The following SAMTOR variants were observed in gnomAD, a reference collection of about 807,000 sequenced individuals.
SAMTOR encodes S-adenosylmethionine sensor upstream of mTORC1.
chr7:112,887,388 A>G, the SAMTOR span, among the ~76,000 whole-genome samples: 1 of 152,006 alleles, frequency 6.6e-6, no homozygotes, highest in Non-Finnish European at 1.5e-5. Context: ...CAGGAACAAG[A>G]AAATGTTAAT....
the SAMTOR span, among the ~76,000 whole-genome samples, chr7:112,892,539 C>T: frequency 1.7e-4 from 26 of 152,160 alleles, no homozygotes; most frequent in South Asian, 1.2e-3. Flanking sequence ...GAGGCTGAGA[C>T]GGGAGGATTG....
chr7:112,935,658 G>C, the SAMTOR span, among the ~76,000 whole-genome samples: 1 of 152,056 alleles, frequency 6.6e-6, no homozygotes, highest in African/African-American at 2.4e-5. Context: ...TTGGTATGCA[G>C]AACAAGTAAA....
chr7:112,825,496 C>T, the SAMTOR span, among the ~76,000 whole-genome samples: 21 of 152,152 alleles, frequency 1.4e-4, no homozygotes, highest in African/African-American at 5.1e-4. Context: ...TGATTGGTTG[C>T]TGCTAGTATA....
the SAMTOR span, among the ~76,000 whole-genome samples, chr7:112,890,997 T>C: frequency 6.6e-6 from 1 of 152,162 alleles, no homozygotes; most frequent in African/African-American, 2.4e-5. Context: ...GCCATAAAAA[T>C]ATTTAACAAA....
chr7:112,912,096 A>C, the SAMTOR span, among the ~76,000 whole-genome samples: 1 of 151,898 alleles, frequency 6.6e-6, no homozygotes, highest in Non-Finnish European at 1.5e-5. Context: ...TTATGAACTA[A>C]GTATTTTAGA....
chr7:112,931,466 A>G, the SAMTOR span, among the ~76,000 whole-genome samples: 1 of 152,204 alleles, frequency 6.6e-6, no homozygotes, highest in South Asian at 2.1e-4. Flanking sequence ...AACACATCCT[A>G]TAAGGCAGAT....
chr7:112,865,911 T>C, the SAMTOR span, among the ~76,000 whole-genome samples: 2 of 150,708 alleles, frequency 1.3e-5, no homozygotes, highest in African/African-American at 4.9e-5. Flanking sequence ...TGAGCTATGA[T>C]TGCACCACTT....
the SAMTOR span, among the ~76,000 whole-genome samples, chr7:112,838,556 C>T: frequency 6.6e-6 from 1 of 151,786 alleles, no homozygotes; most frequent in Non-Finnish European, 1.5e-5. Flanking sequence ...GATGGGATGT[C>T]TGAGTATACC....
chr7:112,901,030 T>C, the SAMTOR span, among the ~76,000 whole-genome samples: 1 of 152,130 alleles, frequency 6.6e-6, no homozygotes, highest in African/African-American at 2.4e-5. Flanking sequence ...AAAGAAAAAA[T>C]TGATAAGCTG....
At chr7:112,856,200 A>G in the SAMTOR span, among the ~76,000 whole-genome samples, 3 of 152,022 alleles carry the variant, frequency 2.0e-5, no homozygotes, top group East Asian at 5.8e-4. Flanking sequence ...TTAATACCCG[A>G]ATTATAGACT....
chr7:112,868,285 C>T, the SAMTOR span, among the ~76,000 whole-genome samples: 4 of 152,054 alleles, frequency 2.6e-5, no homozygotes, highest in Admixed American at 1.3e-4. Context: ...AAAAATAGTG[C>T]GTAAAGATCA....
the SAMTOR span, among the ~76,000 whole-genome samples, chr7:112,903,156 T>C: frequency 1.4e-4 from 22 of 151,922 alleles, no homozygotes; most frequent in African/African-American, 5.1e-4. Flanking sequence ...TCTTCTAAAA[T>C]ATAAAAATTA....
chr7:112,839,263 A>G, the SAMTOR span, among the ~76,000 whole-genome samples: 1 of 151,906 alleles, frequency 6.6e-6, no homozygotes, highest in Non-Finnish European at 1.5e-5. Flanking sequence ...CTGAGACTAC[A>G]GGTACTTAAA....
At chr7:112,869,879 T>C in the SAMTOR span, among the ~76,000 whole-genome samples, 1,977 of 152,166 alleles carry the variant, frequency 0.013, 27 homozygotes, top group Non-Finnish European at 0.02. Flanking sequence ...AACCAGAACA[T>C]CTGGAATTAA....
the SAMTOR span, among the ~76,000 whole-genome samples, chr7:112,912,711 C>T: frequency 2.0e-5 from 3 of 151,800 alleles, no homozygotes; most frequent in African/African-American, 7.3e-5. Context: ...TTAACCATAT[C>T]TTGCCACTGT....
chr7:112,855,218 T>C, the SAMTOR span, among the ~76,000 whole-genome samples: 1 of 152,228 alleles, frequency 6.6e-6, no homozygotes, highest in Non-Finnish European at 1.5e-5. Flanking sequence ...TGGATACATC[T>C]TAATCGTTTT....
the SAMTOR span, among the ~76,000 whole-genome samples, chr7:112,927,991 A>C: frequency 6.6e-6 from 1 of 152,014 alleles, no homozygotes; most frequent in African/African-American, 2.4e-5. Flanking sequence ...CACCTTCAAA[A>C]ACACTATGTC....
chr7:112,827,438 T>C, the SAMTOR span, among the ~76,000 whole-genome samples: 7 of 152,360 alleles, frequency 4.6e-5, no homozygotes, highest in Middle Eastern at 6.8e-3. Context: ...TATAACTCTT[T>C]TATTTCAGCA....
chr7:112,882,914 A>C, the SAMTOR span, among the ~76,000 whole-genome samples: 1 of 152,332 alleles, frequency 6.6e-6, no homozygotes, highest in East Asian at 1.9e-4. Context: ...CTGCTAACTT[A>C]AAACAAAAAC....
Sources: allele counts gnomAD v4.1 joint callset (sites outside exome capture counted in the v4.1 genomes callset), GRCh38; gene constraint gnomAD v4.1.1; transcripts MANE v1.5; gene names NCBI Gene and HGNC (gene_info 2026-07-23, HGNC 2026-07-21).